The following ABCA13 variants were observed in gnomAD, a reference collection of about 807,000 sequenced individuals.
ABCA13 encodes the protein ATP-binding cassette sub-family A member 13.
A neutral mutation model predicts 478.7 loss-of-function variants in ABCA13; 476 were observed. That is an observed-to-expected ratio of 0.99 (90% CI 0.92 to 1.07). The LOEUF (loss-of-function observed/expected upper bound fraction) is 1.07, where lower values mean the gene tolerates loss of function less well. Ranked by LOEUF, ABCA13 falls within the 50% of genes least tolerant of loss-of-function variation. ABCA13 has a pLI of 0.00. For synonymous variants in ABCA13, 2,252 were observed against 2,158.9 expected, an observed-to-expected ratio of 1.04 and a Z score of -1.20; for missense variants, 6,060 against 5,910.6, an observed-to-expected ratio of 1.03 and a Z score of -0.83.
chr7:48,186,165 C>T lies in ABCA13; in HGVS notation c.70-6794C>T, dbSNP rs1796327017. ...TGAAATCAAGCTTGATAATTCTTGTCTTTCAAATAGTGAGTTTAATCTAAG... is the reference window on the plus strand; with the variant it reads ...TGAAATCAAGCTTGATAATTCTTGTTTTTCAAATAGTGAGTTTAATCTAAG... On this transcript the variant is annotated intron_variant, in intron 1 of 61. Transcript: ENST00000435803. 2.0e-5 allele frequency among the ~76,000 whole-genome samples: 3 copies of T among 151,920 alleles called. No individual in the cohort carries two copies. The South Asian group carries it at 6.2e-4, about 32-fold the overall frequency.
At chr7:48,377,484 T>C (rs568246396) in intron 35 of ABCA13, among the ~76,000 whole-genome samples, 8 of 152,202 alleles carry the variant, frequency 5.3e-5, no homozygotes, top group African/African-American at 1.9e-4. Context: ...AATGGAGGGA[T>C]AGAAAGAAAA....
chr7:48,469,990 C>A (rs1827307340), intron 44 of ABCA13, among the ~76,000 whole-genome samples: 1 of 152,096 alleles, frequency 6.6e-6, no homozygotes, highest in Non-Finnish European at 1.5e-5. Flanking sequence ...AACTATTTCA[C>A]CCAGTGTGTC....
At chr7:48,314,499 A>G (rs962722629) in intron 26 of ABCA13, 90 bp downstream of exon 26, 1 of 1,230,464 alleles carries the variant, frequency 8.1e-7, no homozygotes, top group African/African-American at 1.5e-5. Flanking sequence ...CTGTCTGTGT[A>G]TAAGGTTGCT....
intron 42 of ABCA13, among the ~76,000 whole-genome samples, chr7:48,434,924 GA>G (rs1822629512): frequency 6.6e-6 from 1 of 151,802 alleles, no homozygotes. Context: ...AGTAACCTTT[GA>G]AATCAGAAAG....
chr7:48,601,847 A>T (rs967807236), intron 58 of ABCA13, among the ~76,000 whole-genome samples: 2 of 152,208 alleles, frequency 1.3e-5, no homozygotes, highest in South Asian at 4.1e-4. Context: ...CCACAGTGCA[A>T]AAGTGTTCCT....
chr7:48,276,483 T>C lies in ABCA13; in HGVS notation c.6817T>C (p.Ser2273Pro), dbSNP rs983403030. 5 of 1,607,852 alleles carry C rather than the reference T, an allele frequency of 3.1e-6. No homozygotes were observed. The highest frequency in any genetic ancestry group is 4.2e-6 in the Non-Finnish European group (5 of 1,177,858). Reference sequence around the variant, plus strand: ...AGAACAGTTTTTGAAAACATTCTTCTCCCTTTTTCTAAAGGAAGATTCTGA... The same window carrying C: ...AGAACAGTTTTTGAAAACATTCTTCCCCCTTTTTCTAAAGGAAGATTCTGA... ...FTEQFLKTFF[S>P]LFLKEDSENK... is the part of the protein sequence containing the mutation. The change falls in exon 17 of 62, where the codon TCC becomes CCC. Residue 2273 changes from serine (S) to proline (P), a missense_variant. Physicochemically the swap from Ser to Pro is moderately conservative, Grantham distance 74. Around this residue, in one of 3 missense-constraint regions of ABCA13, gnomAD observed 4,423 missense variants for 4,309.1 expected, o/e 1.03. Coordinates refer to ENST00000435803, the MANE Select transcript of ABCA13 (RefSeq NM_152701.5).
chr7:48,545,069 A>G (rs1563417747), intron 55 of ABCA13, among the ~76,000 whole-genome samples: 1 of 151,896 alleles, frequency 6.6e-6, no homozygotes, highest in East Asian at 1.9e-4. Context: ...CTTTCATTCC[A>G]GAGTAATTGC....
chr7:48,295,463 G>A (rs779577058), intron 20 of ABCA13, among the ~76,000 whole-genome samples: 5 of 152,210 alleles, frequency 3.3e-5, no homozygotes, highest in African/African-American at 7.2e-5. Flanking sequence ...GGAGAATTGC[G>A]TGTTCTCTGC....
intron 55 of ABCA13, among the ~76,000 whole-genome samples, chr7:48,556,746 C>T (rs1258998732): frequency 6.6e-6 from 1 of 151,738 alleles, no homozygotes; most frequent in Non-Finnish European, 1.5e-5. Context: ...GAGTCTTGTA[C>T]ATTTTTTTTC....
At chr7:48,369,333 G>A (rs1272215561) in intron 32 of ABCA13, among the ~76,000 whole-genome samples, 2 of 152,122 alleles carry the variant, frequency 1.3e-5, no homozygotes, top group African/African-American at 2.4e-5. Flanking sequence ...CTCCTGCTCT[G>A]TGGGTTGTCC....
intron 15 of ABCA13, among the ~76,000 whole-genome samples, chr7:48,265,678 T>G (rs1035138038): frequency 1.3e-5 from 2 of 151,694 alleles, no homozygotes; most frequent in East Asian, 3.8e-4. Flanking sequence ...TTTTATAGAT[T>G]TCATCAGATT....
chr7:48,469,101 T>C (rs1218405171), intron 44 of ABCA13, among the ~76,000 whole-genome samples: 4 of 152,214 alleles, frequency 2.6e-5, no homozygotes, highest in African/African-American at 9.7e-5. Flanking sequence ...TTGTTAATGG[T>C]TTAGTACAGA....
chr7:48,272,433 A>C lies in ABCA13; in HGVS notation c.2767A>C (p.Ile923Leu), dbSNP rs922856950. 3.1e-6 allele frequency: 5 copies of C among 1,613,820 alleles called. No individual in the cohort carries two copies. Among genetic ancestry groups the C allele is most frequent in the South Asian group, 1.1e-5 (1 of 91,074 alleles). Reference protein sequence around the residue: ...ISEALNTVYAIRNASDLFSAL... With the variant: ...ISEALNTVYALRNASDLFSAL... ...AGAAGCTCTGAACACAGTCTACGCT[A>C]TCAGGAATGCATCTGATCTTTTCTC... Residue 923 changes from isoleucine to leucine, a missense_variant, in exon 17 of 62, where the codon ATC becomes CTC. Coordinates refer to ENST00000435803, the MANE Select transcript of ABCA13 (RefSeq NM_152701.5).
At chr7:48,310,432 C>T (rs984925665) in intron 24 of ABCA13, among the ~76,000 whole-genome samples, 18 of 152,076 alleles carry the variant, frequency 1.2e-4, no homozygotes, top group Non-Finnish European at 7.4e-5. Context: ...GTGGAAGGAC[C>T]CACTGCAAAA....
chr7:48,442,696 G>T (rs1823789404), intron 42 of ABCA13, among the ~76,000 whole-genome samples: 2 of 152,158 alleles, frequency 1.3e-5, no homozygotes, highest in South Asian at 4.1e-4. Context: ...ACAGATTATT[G>T]GGTTTCACCC....
At chr7:48,460,175 C>T (rs1393127575) in intron 43 of ABCA13, among the ~76,000 whole-genome samples, 1 of 152,136 alleles carries the variant, frequency 6.6e-6, no homozygotes, top group East Asian at 1.9e-4. Context: ...CAGTCGGTGC[C>T]CACTGTCACC....
chr7:48,624,882 CTTTTTTA>C (rs1793517872), intron 59 of ABCA13, among the ~76,000 whole-genome samples: 1 of 152,044 alleles, frequency 6.6e-6, no homozygotes, highest in Non-Finnish European at 1.5e-5. Flanking sequence ...TTCTTTCTTT[CTTTTTTA>C]TTTTTTATAA....
intron 59 of ABCA13, among the ~76,000 whole-genome samples, chr7:48,629,831 G>A (rs116456877): frequency 0.016 from 2,503 of 151,926 alleles, 60 homozygotes; most frequent in African/African-American, 0.056. Flanking sequence ...ATCAAGTCAC[G>A]TGGCTAGCCC....
At chr7:48,625,093 A>AT (rs1399617345) in intron 59 of ABCA13, among the ~76,000 whole-genome samples, 2 of 151,978 alleles carry the variant, frequency 1.3e-5, no homozygotes, top group African/African-American at 4.8e-5. Flanking sequence ...TTGTTTGTGG[A>AT]TTTTTTTCCT....
Sources: allele counts gnomAD v4.1 joint callset (sites outside exome capture counted in the v4.1 genomes callset), GRCh38; gene constraint gnomAD v4.1.1; regional missense constraint gnomAD v4.1.1; transcripts MANE v1.5; gene names NCBI Gene and HGNC (gene_info 2026-07-23, HGNC 2026-07-21).